The following TSPEAR variants were observed in gnomAD, a reference collection of about 807,000 sequenced individuals.
The protein encoded by TSPEAR is thrombospondin type laminin G domain and EAR repeats, also known as thrombospondin-type laminin G domain and EAR repeat-containing protein.
Under a neutral mutation model 71.6 loss-of-function variants are expected in TSPEAR, and 69 were observed. The ratio of observed to expected loss-of-function variants is 0.96; its 90% CI spans 0.79 to 1.18. The LOEUF (loss-of-function observed/expected upper bound fraction) is 1.18, where lower values mean the gene tolerates loss of function less well. TSPEAR is among the 50% of genes most tolerant of loss of function. TSPEAR has a pLI of 0.00. For synonymous variants in TSPEAR, 402 were observed against 387.2 expected (o/e 1.04, Z -0.45); for missense variants, 971 against 894.9 (o/e 1.09, Z -1.09).
At chr21:44,534,647 C>A (rs1433696321) in intron 2 of TSPEAR, among the ~76,000 whole-genome samples, 1 of 152,074 alleles carries the variant, frequency 6.6e-6, no homozygotes, top group African/African-American at 2.4e-5. Flanking sequence ...GTTATGCTGG[C>A]GACACTGTGG....
chr21:44,604,784 G>A (rs1394317875), intron 1 of TSPEAR, among the ~76,000 whole-genome samples: 1 of 152,206 alleles, frequency 6.6e-6, no homozygotes, highest in Non-Finnish European at 1.5e-5. Context: ...TTTCTTGAGA[G>A]TTTTAATCAT....
chr21:44,539,632 G>A, intron 2 of TSPEAR: 1 of 1,613,640 alleles, frequency 6.2e-7, no homozygotes, highest in South Asian at 1.1e-5. Flanking sequence ...AGGAGGTGCA[G>A]CAAGCTGGAT....
chr21:44,609,310 C>CA (rs1212370120), intron 1 of TSPEAR, among the ~76,000 whole-genome samples: 1 of 152,158 alleles, frequency 6.6e-6, no homozygotes, highest in East Asian at 1.9e-4. Flanking sequence ...AGCTATCAAT[C>CA]AAATGGAAGA....
chr21:44,640,469 A>G (rs587656227), intron 1 of TSPEAR, among the ~76,000 whole-genome samples: 1 of 152,334 alleles, frequency 6.6e-6, no homozygotes, highest in East Asian at 1.9e-4. Flanking sequence ...GTGATGGCTG[A>G]GAAACACTGG....
intron 1 of TSPEAR, among the ~76,000 whole-genome samples, chr21:44,643,070 G>T (rs797043445): frequency 5.9e-5 from 9 of 152,256 alleles, no homozygotes; most frequent in African/African-American, 2.2e-4. Flanking sequence ...GATGGAATAC[G>T]ATTCAGCCAT....
At chr21:44,549,460 T>G (rs587705940) in intron 2 of TSPEAR, among the ~76,000 whole-genome samples, 1 of 152,324 alleles carries the variant, frequency 6.6e-6, no homozygotes, top group Admixed American at 6.5e-5. Flanking sequence ...TTTGGAACGC[T>G]GTACACCTTG....
intron 1 of TSPEAR, among the ~76,000 whole-genome samples, chr21:44,568,667 G>A (rs1339524035): frequency 6.6e-6 from 1 of 152,190 alleles, no homozygotes; most frequent in Non-Finnish European, 1.5e-5. Context: ...GCTAGCAGAG[G>A]GCTGCAGATC....
intron 1 of TSPEAR, among the ~76,000 whole-genome samples, chr21:44,634,057 TA>T (rs1983404680): frequency 1.3e-5 from 2 of 152,148 alleles, no homozygotes; most frequent in Admixed American, 6.5e-5. Context: ...CCAGCCTGGG[TA>T]ACAGAGTAAG....
chr21:44,685,595 G>A (rs1167607445), intron 1 of TSPEAR, among the ~76,000 whole-genome samples: 4 of 152,182 alleles, frequency 2.6e-5, no homozygotes, highest in African/African-American at 9.7e-5. Flanking sequence ...CACTTCTGAG[G>A]TGTGGTGTCA....
intron 9 of TSPEAR, among the ~76,000 whole-genome samples, chr21:44,512,377 G>T (rs2052414398): frequency 6.6e-6 from 1 of 151,980 alleles, no homozygotes; most frequent in East Asian, 2.0e-4. Context: ...AGATGGGAAA[G>T]AAGGGTGGTG....
intron 1 of TSPEAR, chr21:44,675,878 T>C (rs1172348190): frequency 3.7e-5 from 26 of 709,594 alleles, no homozygotes; most frequent in Non-Finnish European, 6.2e-5. Context: ...TTACTCTGGC[T>C]GTACTTGAGT....
intron 1 of TSPEAR, chr21:44,658,404 G>T: frequency 1.2e-6 from 1 of 855,394 alleles, no homozygotes. Context: ...GGGTGAGAAC[G>T]TGGAAAAATG....
At chr21:44,665,972 G>A (rs587604667) in intron 1 of TSPEAR, among the ~76,000 whole-genome samples, 332 of 152,300 alleles carry the variant, frequency 2.2e-3, no homozygotes, top group Non-Finnish European at 3.6e-3. Context: ...TACCACAGGC[G>A]GGTAAGTCAC....
intron 6 of TSPEAR, among the ~76,000 whole-genome samples, 189 bp from the exon 7 acceptor site, chr21:44,527,707 A>AG (rs1379444296): frequency 6.6e-6 from 1 of 152,250 alleles, no homozygotes; most frequent in African/African-American, 2.4e-5. Flanking sequence ...CACTGCTGCC[A>AG]GGGGCTTTGT....
At chr21:44,676,608 C>A in intron 1 of TSPEAR, 1 of 745,212 alleles carries the variant, frequency 1.3e-6, no homozygotes. Flanking sequence ...CAGACAGGTT[C>A]TGCTCAAATT....
Position 44,666,267 on chromosome 21 carries a change from G to A in TSPEAR, c.82+45166C>T, listed in dbSNP as rs1161570213. 6.2e-5 allele frequency: 48 copies of A among 773,528 alleles called. No homozygotes were observed. In the East Asian group the frequency reaches 1.2e-3, roughly 19 times the overall value. 47.9% of individuals were successfully genotyped at this position (773,528 alleles called of 1,614,324 possible). A position where few individuals can be genotyped will look rare whatever the true frequency, so the allele number is the denominator to read the frequency against. ...GGACCCCAGACTTCCCTGGGGGGAT[G>A]GGCAAGGTCAGCAAGGGCTCCAGAT... On this transcript the variant is annotated intron_variant, in intron 1 of 11. Coordinates refer to ENST00000323084, the MANE Select transcript of TSPEAR (RefSeq NM_144991.3).
intron 1 of TSPEAR, chr21:44,676,487 C>A (rs1040749763): frequency 3.6e-5 from 31 of 859,884 alleles, no homozygotes; most frequent in Non-Finnish European, 6.1e-5. Context: ...CTCTGAACAG[C>A]GTGTTCGATT....
In TSPEAR at chr21:44,520,261, G is replaced by A. The variant is rs2052707546; in HGVS notation, c.1566+1622C>T. On this transcript the variant is annotated intron_variant, in intron 9 of 11. Transcript: ENST00000323084. This position sits in a 1 kb window ranked among gnomAD's most constrained non-coding sequence, Gnocchi z 4.2. The stretch of plus-strand genomic sequence containing the variant: ...AGGCTTCACGTTTCACTTGCAGCCT[G>A]TGGCTCTGGGTGGTGACCCTGCTGC... 6.6e-6 allele frequency: 1 copy of A among 152,170 alleles called. No individual in the cohort carries two copies. Among genetic ancestry groups the A allele is most frequent in the Non-Finnish European group, 1.5e-5 (1 of 68,058 alleles). The allele number at this position is 152,170 out of a possible 1,614,324, so 9.4% of individuals were successfully genotyped here. A position where few individuals can be genotyped will look rare whatever the true frequency, so the allele number is the denominator to read the frequency against.
At chr21:44,527,774 G>A (rs2052887065) in intron 6 of TSPEAR, among the ~76,000 whole-genome samples, 1 of 152,202 alleles carries the variant, frequency 6.6e-6, no homozygotes, top group African/African-American at 2.4e-5. Flanking sequence ...TTGTTAAAAG[G>A]CTCACTGCTT....
Sources: allele counts gnomAD v4.1 joint callset (sites outside exome capture counted in the v4.1 genomes callset), GRCh38; gene constraint gnomAD v4.1.1; non-coding constraint Gnocchi (gnomAD v3.1); transcripts MANE v1.5; gene names NCBI Gene and HGNC (gene_info 2026-07-23, HGNC 2026-07-21).